The following CACNA1B variants were observed in gnomAD, a reference collection of about 807,000 sequenced individuals.
CACNA1B encodes calcium voltage-gated channel subunit alpha1 B.
Under a neutral mutation model 247.2 loss-of-function variants are expected in CACNA1B, and 70 were observed. The observed-to-expected ratio is 0.28, with a 90% CI of 0.23 to 0.35. The LOEUF is 0.35. Among genes scored for constraint, CACNA1B ranks in the 10% least tolerant of loss-of-function variants. The pLI is 1.00. For synonymous variants in CACNA1B, 1,231 were observed against 1,294.4 expected, an observed-to-expected ratio of 0.95 and a Z score of 1.05; for missense variants, 2,367 against 3,197.4, an observed-to-expected ratio of 0.74 and a Z score of 6.26.
At chr9:138,037,139 T>C (rs1204337429) in intron 20 of CACNA1B, among the ~76,000 whole-genome samples, 1 of 152,206 alleles carries the variant, frequency 6.6e-6, no homozygotes, top group Non-Finnish European at 1.5e-5. Context: ...CTCAGTTTGG[T>C]TGTTTGCATC....
chr9:138,053,792 A>T, intron 25 of CACNA1B, 54 bp from the exon 26 acceptor site: 2 of 876,350 alleles, frequency 2.3e-6, no homozygotes, highest in African/African-American at 3.7e-5. Flanking sequence ...TCATGGCCCC[A>T]CTCTCCCACC....
intron 21 of CACNA1B, among the ~76,000 whole-genome samples, chr9:138,045,278 C>T (rs959978317): frequency 5.3e-5 from 8 of 152,038 alleles, no homozygotes; most frequent in South Asian, 2.1e-4. Context: ...CACTGAGAAG[C>T]GTGGGACGTG....
chr9:138,035,619 CT>C (rs1959033271), intron 20 of CACNA1B, among the ~76,000 whole-genome samples: 1 of 152,042 alleles, frequency 6.6e-6, no homozygotes. Flanking sequence ...TTGATAAGCC[CT>C]TTTTTCCCTG....
At chr9:137,902,776 T>C (rs1957253888) in intron 3 of CACNA1B, among the ~76,000 whole-genome samples, 1 of 152,206 alleles carries the variant, frequency 6.6e-6, no homozygotes, top group African/African-American at 2.4e-5. Flanking sequence ...CCCCCTCCTG[T>C]CGTGGGCAGG....
chr9:137,928,869 GAATCATAC>G (rs1263806486), intron 6 of CACNA1B, among the ~76,000 whole-genome samples: 2 of 152,124 alleles, frequency 1.3e-5, no homozygotes, highest in Non-Finnish European at 2.9e-5. Flanking sequence ...TATATAAATG[GAATCATAC>G]AATCGGTGGC....
In CACNA1B at chr9:138,011,774, C is replaced by T. The variant is rs564648470; in HGVS notation, c.2161-1355C>T. 1.3e-5 allele frequency among the ~76,000 whole-genome samples: 2 copies of T among 152,148 alleles called. No homozygotes were observed. The highest frequency in any genetic ancestry group is 2.4e-5 in the African/African-American group (1 of 41,430). On this transcript the variant is annotated intron_variant, in intron 17 of 46. Coordinates refer to ENST00000371372, the MANE Select transcript of CACNA1B (RefSeq NM_000718.4). The surrounding 1 kb of genome is among the most constrained non-coding windows in gnomAD (Gnocchi z 4.2). ...GGTCTCTCCTCTGTGGAGGGAAATT[C>T]GCAGGCAGCTAACAAGGGACTTAGT...
Position 137,952,410 on chromosome 9 carries a change from C to T in CACNA1B, c.1070+33C>T. On this transcript the variant is annotated intron_variant, in intron 7 of 46. Transcript: ENST00000371372. The surrounding 1 kb of genome is among the most constrained non-coding windows in gnomAD (Gnocchi z 4.8). ...ACCATGTGGGGGATGTGCAGGTGCCCCTCTGTGTTCTCAGCTGAGGGGTCA... is the reference window on the plus strand; with the variant it reads ...ACCATGTGGGGGATGTGCAGGTGCCTCTCTGTGTTCTCAGCTGAGGGGTCA... 8.3e-6 allele frequency: 13 copies of T among 1,563,472 alleles called. No homozygotes were observed. The highest frequency in any genetic ancestry group is 1.1e-5 in the Non-Finnish European group (13 of 1,134,414).
At chr9:138,006,933 C>A (rs1958659700) in intron 16 of CACNA1B, 49 bp downstream of exon 16, 1 of 972,312 alleles carries the variant, frequency 1.0e-6, no homozygotes, top group Non-Finnish European at 1.6e-6. Flanking sequence ...CTTGGCCCTC[C>A]TCTTCTCCAT....
intron 20 of CACNA1B, among the ~76,000 whole-genome samples, chr9:138,028,023 CTTTTTTTTTTT>C (rs541594878): frequency 1.3e-4 from 13 of 98,770 alleles, no homozygotes; most frequent in Non-Finnish European, 1.2e-4. Context: ...CCCCCCCAAC[CTTTTTTTTTTT>C]TTTTTTTTTT....
intron 37 of CACNA1B, among the ~76,000 whole-genome samples, chr9:138,101,988 TG>T (rs1344123609): frequency 6.6e-6 from 1 of 152,088 alleles, no homozygotes; most frequent in African/African-American, 2.4e-5. Context: ...TGGTGCAAGG[TG>T]GCCCCAGGCC....
intron 6 of CACNA1B, among the ~76,000 whole-genome samples, chr9:137,946,807 G>A (rs1957802134): frequency 1.3e-5 from 2 of 152,190 alleles, no homozygotes; most frequent in South Asian, 4.1e-4. Context: ...GGAGCAGAGA[G>A]GAAAAGGGAA....
intron 6 of CACNA1B, among the ~76,000 whole-genome samples, chr9:137,943,988 T>G (rs1193672497): frequency 6.6e-6 from 1 of 152,242 alleles, no homozygotes; most frequent in Non-Finnish European, 1.5e-5. Flanking sequence ...TCTCTGGCCT[T>G]CAGCTCCCTA....
chr9:137,925,176 G>A (rs1438028528), intron 6 of CACNA1B, among the ~76,000 whole-genome samples: 1 of 152,080 alleles, frequency 6.6e-6, no homozygotes, highest in African/African-American at 2.4e-5. Flanking sequence ...GTTCAACGAT[G>A]TATTACCTAC....
chr9:137,942,382 T>TA (rs904892569), intron 6 of CACNA1B, among the ~76,000 whole-genome samples: 1 of 152,210 alleles, frequency 6.6e-6, no homozygotes, highest in African/African-American at 2.4e-5. Context: ...GGTGGGAATG[T>TA]AAACTAGTAC....
intron 18 of CACNA1B, among the ~76,000 whole-genome samples, chr9:138,015,421 C>T (rs542688810): frequency 6.1e-4 from 90 of 146,896 alleles, no homozygotes; most frequent in Non-Finnish European, 1.0e-3. Flanking sequence ...CTGAGACCTC[C>T]GAGGGCTGAA....
intron 20 of CACNA1B, among the ~76,000 whole-genome samples, chr9:138,038,898 A>G (rs1474157809): frequency 6.6e-6 from 1 of 152,122 alleles, no homozygotes; most frequent in African/African-American, 2.4e-5. Context: ...TAAAAAGAGA[A>G]AAGTGGCTGG....
chr9:137,989,646 G>A (rs895962312), intron 15 of CACNA1B, among the ~76,000 whole-genome samples: 4 of 152,138 alleles, frequency 2.6e-5, no homozygotes, highest in African/African-American at 4.8e-5. Context: ...GAGAAGTAAC[G>A]GAAACACTGG....
chr9:138,108,028 C>CAA (rs781314090), intron 39 of CACNA1B, among the ~76,000 whole-genome samples: 46 of 88,618 alleles, frequency 5.2e-4, no homozygotes, highest in African/African-American at 1.7e-3. Flanking sequence ...CACCAGAGGA[C>CAA]AAAAAAAAAA....
At chr9:137,976,093 C>A in intron 12 of CACNA1B, 74 bp downstream of exon 12, 1 of 913,258 alleles carries the variant, frequency 1.1e-6, no homozygotes, top group East Asian at 2.5e-5. Context: ...TCCCATAGGC[C>A]ATGCCCAGTG....
Sources: gnomAD v4.1 joint callset for allele counts (sites outside exome capture counted in the v4.1 genomes callset) on GRCh38, gnomAD v4.1.1 for gene constraint, Gnocchi (gnomAD v3.1) non-coding constraint, MANE v1.5 for transcripts, NCBI Gene and HGNC (gene_info 2026-07-23, HGNC 2026-07-21) for gene names.